Variants in CSMD1 observed in about 807,000 individuals in gnomAD.
CSMD1 encodes CUB and Sushi multiple domains 1.
In CSMD1, 213 loss-of-function variants were observed where a neutral mutation model predicts 417.5. That is an observed-to-expected ratio of 0.51 (90% CI 0.46 to 0.57). The LOEUF (loss-of-function observed/expected upper bound fraction) is 0.57. Among genes scored for constraint, CSMD1 ranks in the 20% least tolerant of loss-of-function variants. CSMD1 has a pLI of 0.00. For synonymous variants in CSMD1, 2,862 were observed against 1,736.8 expected, an observed-to-expected ratio of 1.65 and a Z score of -16.11; for missense variants, 6,923 against 4,529.7, an observed-to-expected ratio of 1.53 and a Z score of -15.17.
intron 3 of CSMD1, among the ~76,000 whole-genome samples, chr8:4,215,031 T>C (rs892479272): frequency 4.6e-5 from 7 of 152,192 alleles, no homozygotes; most frequent in African/African-American, 1.7e-4. Flanking sequence ...TCAGTTTTAA[T>C]GATTTCTTCC....
In CSMD1 at chr8:4,203,268, C is replaced by G. The variant is rs562520580; in HGVS notation, c.416-171169G>C. Among the ~76,000 whole-genome samples, 11 of 152,196 alleles carry G rather than the reference C, an allele frequency of 7.2e-5. No individual in the cohort carries two copies. The South Asian group carries it at 2.3e-3, about 32-fold the overall frequency. ...ATGTTGGCAGCCTGCAGAAGACTGC[C>G]CTGACTCCTTCAGAAAAGAACACAG... On this transcript the variant is annotated intron_variant, in intron 3 of 69. Transcript: ENST00000635120.
chr8:4,722,792 G>A (rs1465946285), intron 1 of CSMD1, among the ~76,000 whole-genome samples: 1 of 152,144 alleles, frequency 6.6e-6, no homozygotes, highest in African/African-American at 2.4e-5. Context: ...AATATTTCAG[G>A]AATACTTGTT....
chr8:3,271,969 C>T (rs577431040), intron 26 of CSMD1, among the ~76,000 whole-genome samples: 1 of 152,032 alleles, frequency 6.6e-6, no homozygotes, highest in Non-Finnish European at 1.5e-5. Context: ...CTTTTGTTGC[C>T]TTTGCTTTTT....
chr8:4,383,570 T>G (rs1332855267), intron 3 of CSMD1, among the ~76,000 whole-genome samples: 3 of 152,144 alleles, frequency 2.0e-5, no homozygotes, highest in African/African-American at 7.2e-5. Flanking sequence ...ACCTCAAATC[T>G]GATTACAGGG....
At chr8:3,834,259 C>T (rs1394265036) in intron 5 of CSMD1, among the ~76,000 whole-genome samples, 1 of 152,070 alleles carries the variant, frequency 6.6e-6, no homozygotes, top group African/African-American at 2.4e-5. Context: ...CATATATTCT[C>T]ATCTGTATCT....
intron 3 of CSMD1, among the ~76,000 whole-genome samples, chr8:4,325,246 C>T (rs2128886923): frequency 6.6e-6 from 1 of 152,306 alleles, no homozygotes; most frequent in African/African-American, 2.4e-5. Flanking sequence ...GAATGTGCGA[C>T]TTTCAAGACC....
chr8:3,781,550 C>A (rs942918206), intron 5 of CSMD1, among the ~76,000 whole-genome samples: 1 of 152,174 alleles, frequency 6.6e-6, no homozygotes, highest in African/African-American at 2.4e-5. Flanking sequence ...TGCTTACACA[C>A]TGCTACTCGC....
At chr8:3,315,482 AATT>A (rs1805688975) in intron 23 of CSMD1, among the ~76,000 whole-genome samples, 1 of 126,190 alleles carries the variant, frequency 7.9e-6, no homozygotes, top group African/African-American at 2.9e-5. Context: ...CTATCTTTTA[AATT>A]ATTTATGGTT....
intron 3 of CSMD1, among the ~76,000 whole-genome samples, chr8:4,157,496 G>C (rs1039135431): frequency 5.3e-5 from 8 of 151,986 alleles, no homozygotes; most frequent in South Asian, 2.1e-4. Context: ...GACTAGCGGA[G>C]AAAGAGGCTC....
At chr8:4,129,093 C>G (rs201296149) in intron 3 of CSMD1, among the ~76,000 whole-genome samples, 1 of 106,498 alleles carries the variant, frequency 9.4e-6, no homozygotes, top group Non-Finnish European at 2.1e-5. Flanking sequence ...AAAAAAAAAA[C>G]AAAACAAAAA....
intron 2 of CSMD1, among the ~76,000 whole-genome samples, chr8:4,461,256 A>G (rs1420183877): frequency 1.3e-5 from 2 of 152,112 alleles, no homozygotes. Flanking sequence ...GTCACCTGCG[A>G]AAAGCCTACA....
Position 3,123,229 on chromosome 8 carries a change from G to T in CSMD1, c.6242-4642C>A, listed in dbSNP as rs1349659106. 2.0e-5 allele frequency among the ~76,000 whole-genome samples: 3 copies of T among 152,244 alleles called. No homozygotes were observed. In the East Asian group the frequency reaches 5.8e-4, roughly 29 times the overall value. ...CCTCATCTGCATTCCCCCATCGTGT[G>T]GCTCCCTGGGCCAACCTGTCAAATG... On this transcript the variant is annotated intron_variant, in intron 41 of 69. Transcript: ENST00000635120.
intron 2 of CSMD1, among the ~76,000 whole-genome samples, chr8:4,543,204 G>C (rs923515887): frequency 2.0e-5 from 3 of 152,118 alleles, no homozygotes; most frequent in Non-Finnish European, 4.4e-5. Flanking sequence ...AGCTGTGTAA[G>C]TTTTGCCAAA....
chr8:4,136,989 G>C (rs1803481568), intron 3 of CSMD1, among the ~76,000 whole-genome samples: 1 of 152,080 alleles, frequency 6.6e-6, no homozygotes, highest in African/African-American at 2.4e-5. Context: ...AATAAATGTG[G>C]GCACAGTGAG....
At chr8:3,719,471 T>C (rs866976160) in intron 6 of CSMD1, among the ~76,000 whole-genome samples, 1 of 152,190 alleles carries the variant, frequency 6.6e-6, no homozygotes, top group African/African-American at 2.4e-5. Flanking sequence ...GTGGGTGGTA[T>C]TTAACTCAGA....
At chr8:3,471,544 C>T (rs374348839) in intron 11 of CSMD1, among the ~76,000 whole-genome samples, 3 of 148,180 alleles carry the variant, frequency 2.0e-5, no homozygotes, top group Non-Finnish European at 3.0e-5. Context: ...TTCCTTCATC[C>T]CTCCCTCCTC....
intron 3 of CSMD1, among the ~76,000 whole-genome samples, chr8:4,390,604 C>T (rs1412946539): frequency 3.3e-5 from 5 of 151,962 alleles, no homozygotes; most frequent in African/African-American, 9.7e-5. Flanking sequence ...AGCTCCGCCT[C>T]CCGGACTCAC....
chr8:4,972,538 G>A (rs979487702), intron 1 of CSMD1, among the ~76,000 whole-genome samples: 13 of 152,114 alleles, frequency 8.5e-5, no homozygotes, highest in African/African-American at 2.9e-4. Context: ...GTTTCCTGAA[G>A]CCTCCCAGCC....
intron 3 of CSMD1, among the ~76,000 whole-genome samples, chr8:4,337,433 T>C (rs997087833): frequency 6.6e-6 from 1 of 152,160 alleles, no homozygotes; most frequent in Admixed American, 6.6e-5. Flanking sequence ...TAGCCTTCTC[T>C]GTTAAATCTA....
Sources: allele counts gnomAD v4.1 joint callset (sites outside exome capture counted in the v4.1 genomes callset), GRCh38; gene constraint gnomAD v4.1.1; transcripts MANE v1.5; gene names NCBI Gene and HGNC (gene_info 2026-07-23, HGNC 2026-07-21).